Variants in LETM1 observed in about 807,000 individuals in gnomAD.
LETM1 encodes the protein mitochondrial proton/calcium exchanger protein.
Under a neutral mutation model 74.5 loss-of-function variants are expected in LETM1, and 50 were observed. The ratio of observed to expected loss-of-function variants is 0.67; its 90% CI spans 0.53 to 0.85. The LOEUF is 0.85. Ranked by LOEUF, LETM1 falls within the 40% of genes least tolerant of loss-of-function variation. The probability of loss-of-function intolerance (pLI) is 0.00; values close to 1 mark genes in which losing one functional copy is unlikely to be tolerated. For synonymous variants in LETM1, 446 were observed against 407.1 expected (o/e 1.10, Z -1.15); for missense variants, 824 against 967.8 (o/e 0.85, Z 1.97).
At chr4:1,830,746 G>A (rs985294112) in intron 6 of LETM1, among the ~76,000 whole-genome samples, 4 of 151,996 alleles carry the variant, frequency 2.6e-5, no homozygotes, top group Non-Finnish European at 1.5e-5. Flanking sequence ...GGAGCTCTGC[G>A]CTGGTGGCTG....
chr4:1,854,863 A>G (rs1577330894), intron 1 of LETM1, among the ~76,000 whole-genome samples: 1 of 152,036 alleles, frequency 6.6e-6, no homozygotes, highest in East Asian at 1.9e-4. Flanking sequence ...ACTTCAATCT[A>G]TCTCTTTGGG....
chr4:1,820,656 C>T (rs1230173770), intron 10 of LETM1, among the ~76,000 whole-genome samples: 3 of 152,242 alleles, frequency 2.0e-5, no homozygotes, highest in Non-Finnish European at 4.4e-5. Flanking sequence ...GGTTCTGCCA[C>T]AGGCTCTTTC....
chr4:1,825,483 G>A, intron 7 of LETM1, 81 bp downstream of exon 7: 20 of 1,527,028 alleles, frequency 1.3e-5, no homozygotes, highest in Non-Finnish European at 1.8e-5. Context: ...CAGAGTTTGG[G>A]AAGAGCCTCC....
At chr4:1,842,058 G>A (rs1284169041) in intron 2 of LETM1, among the ~76,000 whole-genome samples, 1 of 152,170 alleles carries the variant, frequency 6.6e-6, no homozygotes, top group African/African-American at 2.4e-5. Context: ...AGAAAGGCAG[G>A]CAAGTCAGAC....
intron 7 of LETM1, among the ~76,000 whole-genome samples, chr4:1,824,190 G>C (rs973149128): frequency 6.6e-6 from 1 of 152,218 alleles, no homozygotes; most frequent in Non-Finnish European, 1.5e-5. Context: ...GTATAGTGGT[G>C]TGCACCTGTA....
intron 3 of LETM1, among the ~76,000 whole-genome samples, chr4:1,840,987 G>A (rs1018914628): frequency 2.0e-5 from 3 of 152,194 alleles, no homozygotes; most frequent in South Asian, 2.1e-4. Flanking sequence ...AGGTTTTACC[G>A]ATTTTTATTC....
Position 1,849,347 on chromosome 4 carries a change from C to T in LETM1, c.83-138G>A, listed in dbSNP as rs924936761. On this transcript the variant is annotated intron_variant, in intron 1 of 13. Coordinates refer to ENST00000302787, the MANE Select transcript of LETM1 (RefSeq NM_012318.3). The stretch of plus-strand genomic sequence containing the variant: ...TGGCGTGATCTCGGCTCACTGCAAC[C>T]TCCACCTCCTGGGTTTAATTGATTC... 40 of 641,044 alleles carry T rather than the reference C, an allele frequency of 6.2e-5. No homozygotes were observed. In the Admixed American group the frequency reaches 6.6e-4, roughly 11 times the overall value. 39.7% of individuals were successfully genotyped at this position (641,044 alleles called of 1,614,324 possible).
chr4:1,855,545 T>C (rs1713211336), intron 1 of LETM1, among the ~76,000 whole-genome samples: 1 of 152,272 alleles, frequency 6.6e-6, no homozygotes, highest in South Asian at 2.1e-4. Context: ...TCCTCGTGCG[T>C]GGACACGTTC....
intron 6 of LETM1, among the ~76,000 whole-genome samples, chr4:1,829,385 C>T (rs1041558205): frequency 2.0e-5 from 3 of 151,768 alleles, no homozygotes; most frequent in African/African-American, 4.9e-5. Flanking sequence ...GGCGGCTGGC[C>T]GGGCGGGGGG....
intron 1 of LETM1, among the ~76,000 whole-genome samples, chr4:1,853,323 G>A (rs1351193682): frequency 6.6e-6 from 1 of 152,246 alleles, no homozygotes; most frequent in Non-Finnish European, 1.5e-5. Context: ...CAAATGGGGA[G>A]GTGGGACAAG....
chr4:1,819,528 T>C, intron 10 of LETM1, 56 bp from the exon 11 acceptor site: 1 of 1,560,772 alleles, frequency 6.4e-7, no homozygotes, highest in Non-Finnish European at 8.7e-7. Flanking sequence ...AACTGGCCTG[T>C]TCCCAAGTGA....
intron 6 of LETM1, among the ~76,000 whole-genome samples, chr4:1,831,675 G>A (rs1005424901): frequency 7.2e-5 from 11 of 152,194 alleles, no homozygotes; most frequent in African/African-American, 1.9e-4. Context: ...GTTGTGTCCC[G>A]GCAAGGGCGG....
At position 1,840,865 on chromosome 4, in the gene LETM1, A is replaced by T. The variant is rs1560500312; in HGVS notation, c.594+482T>A. Among the ~76,000 whole-genome samples the T allele has an allele frequency of 4.6e-5, 7 of 152,248 alleles. 1 individual carries two copies. In the South Asian group the frequency reaches 1.5e-3, roughly 32 times the overall value. Reference sequence around the variant, plus strand: ...TTATCTCTGGGTAGACAGTATCAGAACTAAATCAGAGGACACCCAGCTGGT... The same window carrying T: ...TTATCTCTGGGTAGACAGTATCAGATCTAAATCAGAGGACACCCAGCTGGT... On this transcript the variant is annotated intron_variant, in intron 3 of 13. Transcript: ENST00000302787.
intron 1 of LETM1, among the ~76,000 whole-genome samples, chr4:1,851,533 G>T (rs1424403250): frequency 3.9e-5 from 6 of 152,348 alleles, no homozygotes; most frequent in Non-Finnish European, 4.4e-5. Context: ...AGTCCGGTCT[G>T]TGAACTGGGA....
chr4:1,849,018 T>C, intron 2 of LETM1, 131 bp downstream of exon 2: 2 of 680,752 alleles, frequency 2.9e-6, no homozygotes, highest in Non-Finnish European at 5.4e-6. Context: ...AGATAAAGGT[T>C]TAAAAGAAAC....
Position 1,822,258 on chromosome 4 carries a change from G to A in LETM1, c.1531C>T (p.Pro511Ser). The A allele has an allele frequency of 6.5e-7, 1 of 1,546,958 alleles. No homozygotes were observed. ...ACTGTGTCAGGCATTTCTGGCTGTG[G>A]CTCGGTCCCCGGCCTTTGGGGAGCA... is the stretch of plus-strand genomic sequence containing the variant. ...VAAPQRPGTE[P>S]QPEMPDTVLQ... The change falls in exon 10 of 14, where the codon CCA becomes TCA. Residue 511 changes from proline (P) to serine (S), a missense_variant. By Grantham distance (74) the Pro-to-Ser change is moderately conservative. Transcript: ENST00000302787.
At position 1,834,746 on chromosome 4, in the gene LETM1, C is replaced by G; in HGVS notation, c.876+99G>C. ...GTAAACTTTCAAGCGCCAGCCAGCA[C>G]CTGGGGGAGCTCCACTCTGCTGAGC... On this transcript the variant is annotated intron_variant, in intron 5 of 13. Transcript: ENST00000302787. This position sits in a 1 kb window ranked among gnomAD's most constrained non-coding sequence, Gnocchi z 5.0. 1 of 1,549,108 alleles carries G rather than the reference C, an allele frequency of 6.5e-7. No individual in the cohort carries two copies. Among genetic ancestry groups the G allele is most frequent in the Non-Finnish European group, 8.7e-7 (1 of 1,146,232 alleles).
At chr4:1,831,965 T>C (rs1463358736) in intron 6 of LETM1, among the ~76,000 whole-genome samples, 1 of 152,048 alleles carries the variant, frequency 6.6e-6, no homozygotes, top group Non-Finnish European at 1.5e-5. Flanking sequence ...AGAGGAACAG[T>C]TTTACCTGAG....
intron 1 of LETM1, 30 bp downstream of exon 1, chr4:1,855,839 C>T: frequency 8.3e-7 from 1 of 1,198,628 alleles, no homozygotes; most frequent in Non-Finnish European, 1.0e-6. Context: ...AGCCGGGAGC[C>T]GGCCCCGCCC....
Sources: allele counts gnomAD v4.1 joint callset (sites outside exome capture counted in the v4.1 genomes callset), GRCh38; gene constraint gnomAD v4.1.1; non-coding constraint Gnocchi (gnomAD v3.1); transcripts MANE v1.5; gene names NCBI Gene and HGNC (gene_info 2026-07-23, HGNC 2026-07-21).